Variants in CHST11 observed in about 807,000 individuals in gnomAD.
The protein encoded by CHST11 is C4S-1.
CHST11 carries 9 observed loss-of-function variants against 30.4 expected under a neutral mutation model. The observed-to-expected ratio is 0.30, with a 90% confidence interval of 0.18 to 0.52. The LOEUF (loss-of-function observed/expected upper bound fraction) is 0.52, where lower values mean the gene tolerates loss of function less well. Among genes scored for constraint, CHST11 ranks in the 20% least tolerant of loss-of-function variants. The probability of loss-of-function intolerance (pLI) is 0.97; values close to 1 mark genes in which losing one functional copy is unlikely to be tolerated. For synonymous variants in CHST11, 152 were observed against 187.8 expected, an observed-to-expected ratio of 0.81 and a Z score of 1.56; for missense variants, 348 against 460.6, an observed-to-expected ratio of 0.76 and a Z score of 2.24.
intron 1 of CHST11, among the ~76,000 whole-genome samples, chr12:104,573,604 T>C (rs2038651921): frequency 6.6e-6 from 1 of 152,272 alleles, no homozygotes. Context: ...AAGCAAGAAA[T>C]GAGGAAATGA....
At chr12:104,603,957 A>G (rs2038979997) in intron 2 of CHST11, among the ~76,000 whole-genome samples, 1 of 151,818 alleles carries the variant, frequency 6.6e-6, no homozygotes, top group Admixed American at 6.6e-5. Flanking sequence ...TCATTTCTTC[A>G]TGTGCTGTTA....
intron 1 of CHST11, among the ~76,000 whole-genome samples, chr12:104,468,893 A>T (rs1199879152): frequency 6.6e-6 from 1 of 152,192 alleles, no homozygotes; most frequent in East Asian, 1.9e-4. Flanking sequence ...GTGAAAATGC[A>T]TTGGGAATGG....
chr12:104,703,080 T>C (rs2040003162), intron 2 of CHST11, among the ~76,000 whole-genome samples: 1 of 152,218 alleles, frequency 6.6e-6, no homozygotes. Flanking sequence ...CCTGTCATCT[T>C]GCCTGCTGCG....
intron 2 of CHST11, among the ~76,000 whole-genome samples, chr12:104,657,849 A>T (rs1367456871): frequency 6.6e-6 from 1 of 152,184 alleles, no homozygotes; most frequent in African/African-American, 2.4e-5. Context: ...CTCAATAAGC[A>T]TCTGTGTCTG....
intron 1 of CHST11, among the ~76,000 whole-genome samples, chr12:104,565,263 T>G (rs1243357845): frequency 1.4e-5 from 2 of 140,594 alleles, no homozygotes; most frequent in East Asian, 4.1e-4. Context: ...CTAGGATTTT[T>G]TTTTTTTTTT....
chr12:104,748,533 C>T (rs1170604082), intron 2 of CHST11, among the ~76,000 whole-genome samples: 1 of 138,168 alleles, frequency 7.2e-6, no homozygotes, highest in Middle Eastern at 3.8e-3. Flanking sequence ...AGCGCATGCC[C>T]GGTGGGGGCT....
intron 2 of CHST11, among the ~76,000 whole-genome samples, chr12:104,722,700 A>C (rs1271008649): frequency 1.3e-5 from 2 of 151,952 alleles, no homozygotes; most frequent in Non-Finnish European, 2.9e-5. Flanking sequence ...TGCTGGAAAG[A>C]GTGTCCAAAG....
intron 2 of CHST11, among the ~76,000 whole-genome samples, chr12:104,605,182 C>T (rs1223102372): frequency 6.7e-6 from 1 of 149,592 alleles, no homozygotes; most frequent in African/African-American, 2.5e-5. Context: ...AAATCAAACC[C>T]AGATTTTCAC....
At position 104,593,039 on chromosome 12, in the gene CHST11, C is replaced by T. The variant is rs17035908; in HGVS notation, c.119-8867C>T. On this transcript the variant is annotated intron_variant, in intron 1 of 2. Coordinates refer to ENST00000303694, the MANE Select transcript of CHST11 (RefSeq NM_018413.6). ...AAGGCTTCCATGTCAGTAAATCTCACGGCTCTTGGATGAAGCTGCATCTTT... is the reference window on the plus strand; with the variant it reads ...AAGGCTTCCATGTCAGTAAATCTCATGGCTCTTGGATGAAGCTGCATCTTT... Among the ~76,000 whole-genome samples the T allele has an allele frequency of 4.2e-3, 644 of 152,294 alleles. 32 individuals are homozygous for T. The East Asian group carries it at 0.086, about 20-fold the overall frequency.
chr12:104,609,962 C>T (rs1387807496), intron 2 of CHST11, among the ~76,000 whole-genome samples: 1 of 151,804 alleles, frequency 6.6e-6, no homozygotes, highest in Admixed American at 6.6e-5. Context: ...TACTTCCTAA[C>T]AATTTTGATT....
chr12:104,508,659 A>G (rs1027293603), intron 1 of CHST11, among the ~76,000 whole-genome samples: 1 of 152,190 alleles, frequency 6.6e-6, no homozygotes, highest in Non-Finnish European at 1.5e-5. Context: ...GGATTATCCA[A>G]CCATCAGCTT....
At chr12:104,726,620 T>G (rs2040218994) in intron 2 of CHST11, among the ~76,000 whole-genome samples, 1 of 152,088 alleles carries the variant, frequency 6.6e-6, no homozygotes, top group South Asian at 2.1e-4. Flanking sequence ...TCAACAACCC[T>G]GCTTCAGGAT....
chr12:104,640,753 T>A (rs955689075), intron 2 of CHST11, among the ~76,000 whole-genome samples: 1 of 152,168 alleles, frequency 6.6e-6, no homozygotes, highest in Non-Finnish European at 1.5e-5. Context: ...TGACAGTGGC[T>A]CATCAGTCAC....
intron 2 of CHST11, among the ~76,000 whole-genome samples, chr12:104,700,652 A>T (rs907650150): frequency 6.6e-6 from 1 of 152,222 alleles, no homozygotes; most frequent in Non-Finnish European, 1.5e-5. Context: ...GGCACCTGGT[A>T]ATACATTCAT....
intron 2 of CHST11, among the ~76,000 whole-genome samples, chr12:104,705,072 G>C (rs1228263030): frequency 2.0e-5 from 3 of 152,188 alleles, no homozygotes; most frequent in Non-Finnish European, 4.4e-5. Context: ...TGGGCCAGCT[G>C]TTTGGCAGAG....
intron 1 of CHST11, among the ~76,000 whole-genome samples, chr12:104,567,039 G>A (rs2038574234): frequency 6.6e-6 from 1 of 152,018 alleles, no homozygotes; most frequent in South Asian, 2.1e-4. Context: ...TGTTCCTGAT[G>A]GAACACCTCC....
chr12:104,504,605 G>A (rs910444012), intron 1 of CHST11, among the ~76,000 whole-genome samples: 12 of 151,594 alleles, frequency 7.9e-5, no homozygotes, highest in African/African-American at 2.0e-4. Context: ...GAGTGTTCTC[G>A]TCTAGTGATT....
At chr12:104,467,870 C>A (rs1344109651) in intron 1 of CHST11, among the ~76,000 whole-genome samples, 2 of 152,194 alleles carry the variant, frequency 1.3e-5, no homozygotes, top group Admixed American at 6.5e-5. Context: ...TGCATAAGGT[C>A]ACTCATTATA....
chr12:104,582,372 T>C (rs1449966279), intron 1 of CHST11, among the ~76,000 whole-genome samples: 1 of 152,128 alleles, frequency 6.6e-6, no homozygotes, highest in Non-Finnish European at 1.5e-5. Flanking sequence ...AAATCAGCGT[T>C]GGGGTAGTCA....
Sources: allele counts gnomAD v4.1 joint callset (sites outside exome capture counted in the v4.1 genomes callset), GRCh38; gene constraint gnomAD v4.1.1; transcripts MANE v1.5; gene names NCBI Gene and HGNC (gene_info 2026-07-23, HGNC 2026-07-21).